Variants in RBM20 observed in about 807,000 individuals in gnomAD.
RBM20 encodes the protein RNA-binding protein 20.
RBM20 carries 51 observed loss-of-function variants against 110.1 expected under a neutral mutation model. The observed-to-expected ratio is 0.46, with a 90% confidence interval of 0.37 to 0.59. The LOEUF (loss-of-function observed/expected upper bound fraction) is 0.59. Among genes scored for constraint, RBM20 ranks in the 20% least tolerant of loss-of-function variants. The probability of loss-of-function intolerance (pLI) is 0.00; values close to 1 mark genes in which losing one functional copy is unlikely to be tolerated. For synonymous variants in RBM20, 589 were observed against 618.2 expected (o/e 0.95, Z 0.70); for missense variants, 1,512 against 1,574.9 (o/e 0.96, Z 0.68).
At chr10:110,802,145 A>G (rs1445966428) in intron 7 of RBM20, among the ~76,000 whole-genome samples, 2 of 152,232 alleles carry the variant, frequency 1.3e-5, no homozygotes, top group African/African-American at 4.8e-5. Flanking sequence ...ACTTTAGCTC[A>G]TTCCACATTG....
At chr10:110,729,366 C>G (rs1483048639) in intron 1 of RBM20, among the ~76,000 whole-genome samples, 4 of 152,146 alleles carry the variant, frequency 2.6e-5, no homozygotes, top group Non-Finnish European at 5.9e-5. Context: ...CCCTTCCTGC[C>G]TCTCCTTCTC....
At chr10:110,670,048 T>A (rs1862235651) in intron 1 of RBM20, among the ~76,000 whole-genome samples, 3 of 152,204 alleles carry the variant, frequency 2.0e-5, no homozygotes, top group Admixed American at 2.0e-4. Context: ...TAATAATTCA[T>A]CTCTTTGAAA....
intron 13 of RBM20, among the ~76,000 whole-genome samples, chr10:110,834,395 ACACACACCCTCTCATCTGACC>A (rs1845096908): frequency 6.6e-6 from 1 of 152,116 alleles, no homozygotes; most frequent in Non-Finnish European, 1.5e-5. Flanking sequence ...TGGTCATCTC[ACACACACCCTCTCATCTGACC>A]CACACACCAC....
At chr10:110,803,950 C>G (rs988817560) in intron 7 of RBM20, among the ~76,000 whole-genome samples, 52 of 151,986 alleles carry the variant, frequency 3.4e-4, no homozygotes, top group African/African-American at 1.2e-3. Flanking sequence ...TCCACGCTGC[C>G]TTCTGCTCTT....
intron 1 of RBM20, among the ~76,000 whole-genome samples, chr10:110,708,640 T>C (rs1862877258): frequency 6.6e-6 from 1 of 152,186 alleles, no homozygotes. Flanking sequence ...AAAGCTGGGA[T>C]TTCAAATGAT....
chr10:110,830,042 G>T (rs1845029533), intron 12 of RBM20, among the ~76,000 whole-genome samples: 1 of 152,228 alleles, frequency 6.6e-6, no homozygotes. Flanking sequence ...CAGGTGCCTG[G>T]TAAACAGGGC....
chr10:110,793,796 T>C (rs1340063611), intron 5 of RBM20, among the ~76,000 whole-genome samples: 1 of 152,260 alleles, frequency 6.6e-6, no homozygotes, highest in African/African-American at 2.4e-5. Context: ...ACTCAAAGTA[T>C]GGAGGCATCC....
chr10:110,721,206 G>C (rs1329456302), intron 1 of RBM20, among the ~76,000 whole-genome samples: 1 of 152,058 alleles, frequency 6.6e-6, no homozygotes, highest in Non-Finnish European at 1.5e-5. Flanking sequence ...ACATTTACTT[G>C]TCCTCTACTG....
intron 1 of RBM20, among the ~76,000 whole-genome samples, chr10:110,680,680 G>A (rs1175775234): frequency 2.6e-5 from 4 of 152,154 alleles, no homozygotes; most frequent in Non-Finnish European, 5.9e-5. Flanking sequence ...GAGGGTGCAC[G>A]CCTGGGGGAG....
chr10:110,660,296 C>T (rs981453764), intron 1 of RBM20, among the ~76,000 whole-genome samples: 2 of 152,130 alleles, frequency 1.3e-5, no homozygotes, highest in African/African-American at 2.4e-5. Flanking sequence ...CTCACGATTC[C>T]TCAGGGAGAC....
chr10:110,691,958 G>T lies in RBM20; in HGVS notation c.191+47313G>T, dbSNP rs75757137. ...TCTTTGATTCCTTTTTGCATATTGT[G>T]TAAGGATCCAACTTCATTATTTTGC... On this transcript the variant is annotated intron_variant, in intron 1 of 13. Coordinates refer to ENST00000369519, the MANE Select transcript of RBM20 (RefSeq NM_001134363.3). 4.9e-4 allele frequency among the ~76,000 whole-genome samples: 75 copies of T among 152,218 alleles called. No individual in the cohort carries two copies. In the East Asian group the frequency reaches 0.013, roughly 27 times the overall value.
chr10:110,810,513 G>GGAGTCTGTTCCC, intron 8 of RBM20, 51 bp downstream of exon 8: 1 of 1,316,324 alleles, frequency 7.6e-7, no homozygotes, highest in Non-Finnish European at 1.1e-6. Flanking sequence ...AGTGGGAACA[G>GGAGTCTGTTCCC]ACTCCTGTTT....
intron 12 of RBM20, among the ~76,000 whole-genome samples, chr10:110,830,640 C>T (rs942076): frequency 0.53 from 80,589 of 151,780 alleles, 21,589 homozygotes; most frequent in East Asian, 0.63. Context: ...CAAACAAAAA[C>T]GAGAGAATTC....
intron 1 of RBM20, among the ~76,000 whole-genome samples, chr10:110,654,253 T>G (rs1344778921): frequency 6.6e-6 from 1 of 152,184 alleles, no homozygotes; most frequent in Non-Finnish European, 1.5e-5. Flanking sequence ...GACACACAGT[T>G]TATATCAAAC....
intron 1 of RBM20, among the ~76,000 whole-genome samples, chr10:110,676,855 T>C (rs1862347337): frequency 6.6e-6 from 1 of 152,132 alleles, no homozygotes; most frequent in African/African-American, 2.4e-5. Flanking sequence ...TATAAAGAGG[T>C]TTAAAATATA....
rs756342135 is a variant in RBM20, at chr10:110,644,582, A to AGCC, written c.141_143dup (p.Pro48dup). 39 of 1,523,642 alleles carry AGCC rather than the reference A, an allele frequency of 2.6e-5. No homozygotes were observed. The highest frequency in any genetic ancestry group is 5.7e-5 in the African/African-American group (4 of 70,278). The allele number at this position is 1,523,642 out of a possible 1,614,324, so 94.4% of individuals were successfully genotyped here. A position where few individuals can be genotyped will look rare whatever the true frequency, so the allele number is the denominator to read the frequency against. On this transcript the variant is annotated inframe_insertion, in exon 1 of 14. Transcript: ENST00000369519. The surrounding 1 kb of genome is among the most constrained non-coding windows in gnomAD (Gnocchi z 4.3). ...CCCTCCGGCCCGCGAGGGATGCAGC[A>AGCC]GCCGCCGCCGCCGCCCCAGCCACCG...
intron 13 of RBM20, among the ~76,000 whole-genome samples, chr10:110,831,742 A>T (rs1055694155): frequency 1.5e-4 from 23 of 151,548 alleles, no homozygotes; most frequent in Non-Finnish European, 1.5e-5. Flanking sequence ...TACTTATCAC[A>T]GGCATGCTAG....
intron 1 of RBM20, among the ~76,000 whole-genome samples, chr10:110,664,491 A>C (rs1319035543): frequency 6.6e-6 from 1 of 152,238 alleles, no homozygotes; most frequent in Non-Finnish European, 1.5e-5. Context: ...TCATGCCTGT[A>C]ATCCCAGCAC....
At chr10:110,757,439 A>G (rs1234587545) in intron 1 of RBM20, among the ~76,000 whole-genome samples, 1 of 152,216 alleles carries the variant, frequency 6.6e-6, no homozygotes, top group Non-Finnish European at 1.5e-5. Context: ...AGTAAAACAA[A>G]GTTGGAGTAG....
Sources: allele counts gnomAD v4.1 joint callset (sites outside exome capture counted in the v4.1 genomes callset), GRCh38; gene constraint gnomAD v4.1.1; non-coding constraint Gnocchi (gnomAD v3.1); transcripts MANE v1.5; gene names NCBI Gene and HGNC (gene_info 2026-07-23, HGNC 2026-07-21).